The following BTN1A1 variants were observed in gnomAD, a reference collection of about 807,000 sequenced individuals.
The protein encoded by BTN1A1 is butyrophilin subfamily 1 member A1, also known as bK14H9.2 (butyrophilin, subfamily 1, member A1).
BTN1A1 carries 26 observed loss-of-function variants against 33.1 expected under a neutral mutation model. The ratio of observed to expected loss-of-function variants is 0.79; its 90% CI spans 0.58 to 1.09. BTN1A1 has a LOEUF of 1.09. BTN1A1 is among the 50% of genes least tolerant of loss of function. The pLI, the probability that BTN1A1 is intolerant of heterozygous loss-of-function variation, is 0.00. For synonymous variants in BTN1A1, 235 were observed against 256.2 expected (o/e 0.92, Z 0.79); for missense variants, 558 against 655.7 (o/e 0.85, Z 1.63).
intron 5 of BTN1A1, among the ~76,000 whole-genome samples, chr6:26,507,263 G>A (rs1763882955): frequency 6.6e-6 from 1 of 152,152 alleles, no homozygotes; most frequent in African/African-American, 2.4e-5. Context: ...CTGAAAATTG[G>A]AGGAAATCAT....
chr6:26,505,132 C>A lies in BTN1A1; in HGVS notation c.635C>A (p.Ser212Tyr). The A allele has an allele frequency of 6.2e-7, 1 of 1,613,894 alleles. No homozygotes were observed. The highest frequency in any genetic ancestry group is 8.5e-7 in the Non-Finnish European group (1 of 1,179,776). ...VAASVIIRDT[S>Y]AKNVSCYIQN... ...GCTTCAGTGATCATCAGAGACACTT[C>A]TGCGAAAAATGTGTCCTGCTACATC... Residue 212 changes from serine (S) to tyrosine (Y), a missense_variant, in exon 4 of 8, where the codon TCT (serine) becomes TAT (tyrosine). Transcript: ENST00000684113.
chr6:26,505,715 C>T (rs1411595544), intron 4 of BTN1A1, among the ~76,000 whole-genome samples: 1 of 151,006 alleles, frequency 6.6e-6, no homozygotes, highest in Non-Finnish European at 1.5e-5. Context: ...TGTGAGCCAT[C>T]ACACCCAGTG....
At chr6:26,508,025 T>C (rs1028993570) in intron 6 of BTN1A1, 36 bp from the exon 7 acceptor site, 2 of 1,612,892 alleles carry the variant, frequency 1.2e-6, no homozygotes, top group Non-Finnish European at 1.7e-6. Flanking sequence ...TCTTATTATA[T>C]AACCTGTCAA....
Position 26,505,134 on chromosome 6 carries a change from G to A in BTN1A1, c.637G>A (p.Ala213Thr), listed in dbSNP as rs3736781. The A allele has an allele frequency of 0.49, 785,469 of 1,612,886 alleles. 194,155 individuals carry two copies. Among genetic ancestry groups the A allele is most frequent in the East Asian group, 0.73 (32,958 of 44,864 alleles). The change falls in exon 4 of 8, where the codon GCG (alanine) becomes ACG (threonine). Residue 213 changes from alanine (A) to threonine (T), a missense_variant. Transcript: ENST00000684113. ...TTCAGTGATCATCAGAGACACTTCT[G>A]CGAAAAATGTGTCCTGCTACATCCA... ...AASVIIRDTSAKNVSCYIQNL... is the reference protein window; with the variant it reads ...AASVIIRDTSTKNVSCYIQNL...
At chr6:26,503,556 T>A (rs765406928) in intron 3 of BTN1A1, among the ~76,000 whole-genome samples, 13 of 151,292 alleles carry the variant, frequency 8.6e-5, no homozygotes, top group Non-Finnish European at 1.6e-4. Flanking sequence ...TATTAGATAC[T>A]ATACTGTGCC....
rs990817013 is a variant in BTN1A1 at position 26,508,652 on chromosome 6, C to T, written c.1059C>T (p.Phe353=). Residue 353 remains phenylalanine, a synonymous_variant, in exon 8 of 8, where the codon TTC becomes TTT. Transcript: ENST00000684113. ...SWPCVLGRET[F]TSGRHYWEVE... is the part of the protein sequence containing the mutation. ...CCTGTGTGTTGGGCCGTGAGACCTT[C>T]ACCTCAGGAAGGCATTACTGGGAGG... The T allele has an allele frequency of 2.8e-5, 46 of 1,614,076 alleles. No homozygotes were observed. Among genetic ancestry groups the T allele is most frequent in the Non-Finnish European group, 3.8e-5 (45 of 1,180,040 alleles).
Position 26,501,775 on chromosome 6 carries a change from C to T in BTN1A1, c.265C>T (p.Pro89Ser), listed in dbSNP as rs1214780045. ...DGREQEAEQM[P>S]EYRGRATLVQ... is the part of the protein sequence containing the mutation. ...GCGCGAGCAGGAAGCCGAGCAGATG[C>T]CCGAGTACCGCGGGCGGGCGACGCT... The change falls in exon 3 of 8, where the codon CCC becomes TCC. Residue 89 changes from proline to serine, a missense_variant. Transcript: ENST00000684113. This position sits in a 1 kb window ranked among gnomAD's most constrained non-coding sequence, Gnocchi z 5.2. 6.2e-7 allele frequency: 1 copy of T among 1,613,576 alleles called. No individual in the cohort carries two copies. Among genetic ancestry groups the T allele is most frequent in the African/African-American group, 1.3e-5 (1 of 74,932 alleles).
At chr6:26,502,671 C>T (rs993341808) in intron 3 of BTN1A1, among the ~76,000 whole-genome samples, 2 of 152,140 alleles carry the variant, frequency 1.3e-5, no homozygotes, top group Non-Finnish European at 2.9e-5. Context: ...TTTACTTCAT[C>T]GAGTCCCTGA....
rs766691983 is a variant in BTN1A1 at position 26,508,667 on chromosome 6, T to C, written c.1074T>C (p.His358=). The C allele has an allele frequency of 1.4e-5, 22 of 1,613,974 alleles. No individual in the cohort carries two copies. Among genetic ancestry groups the C allele is most frequent in the Non-Finnish European group, 1.7e-5 (20 of 1,179,988 alleles). ...GTGAGACCTTCACCTCAGGAAGGCA[T>C]TACTGGGAGGTGGAGGTGGGAGACA... ...LGRETFTSGR[H]YWEVEVGDRT... The change falls in exon 8 of 8, where the codon CAT becomes CAC. Residue 358 remains histidine, a synonymous_variant. Transcript: ENST00000684113.
chr6:26,501,791 G>T lies in BTN1A1; in HGVS notation c.281G>T (p.Arg94Leu). Residue 94 changes from arginine (R) to leucine (L), a missense_variant, in exon 3 of 8, where the codon CGG becomes CTG. By Grantham distance (102) the Arg-to-Leu change is moderately radical. Coordinates refer to ENST00000684113, the MANE Select transcript of BTN1A1 (RefSeq NM_001732.3). This position sits in a 1 kb window ranked among gnomAD's most constrained non-coding sequence, Gnocchi z 5.2. ...EAEQMPEYRGRATLVQDGIAK... is the reference protein window; with the variant it reads ...EAEQMPEYRGLATLVQDGIAK... ...GAGCAGATGCCCGAGTACCGCGGGC[G>T]GGCGACGCTGGTCCAGGACGGCATC... is the stretch of plus-strand genomic sequence containing the variant. The T allele has an allele frequency of 2.5e-6, 4 of 1,613,544 alleles. No individual in the cohort carries two copies. The highest frequency in any genetic ancestry group is 1.1e-5 in the South Asian group (1 of 91,050).
At position 26,506,738 on chromosome 6, in the gene BTN1A1, G is replaced by C; in HGVS notation, c.765G>C (p.Met255Ile). The C allele has an allele frequency of 6.2e-7, 1 of 1,614,046 alleles. No homozygotes were observed. The highest frequency in any genetic ancestry group is 8.5e-7 in the Non-Finnish European group (1 of 1,179,988). ...TAGTGGCTGTGGCTGTCATCCTGATGGTTCTAGGACTTCTCACCATTGGGT... is the reference window on the plus strand; with the variant it reads ...TAGTGGCTGTGGCTGTCATCCTGATCGTTCTAGGACTTCTCACCATTGGGT... Reference protein sequence around the residue: ...PWIVAVAVILMVLGLLTIGSI... With the variant: ...PWIVAVAVILIVLGLLTIGSI... Residue 255 changes from methionine (M) to isoleucine (I), a missense_variant, in exon 5 of 8, where the codon ATG becomes ATC. Coordinates refer to ENST00000684113, the MANE Select transcript of BTN1A1 (RefSeq NM_001732.3).
Position 26,501,251 on chromosome 6 carries a change from C to G in BTN1A1, c.-36C>G, listed in dbSNP as rs779731479. Reference sequence around the variant, plus strand: ...CTAGGCTGAAGCTCCTGAGGGGACTCACATCAGTTATCTTGCTGCTCCAGA... The same window carrying G: ...CTAGGCTGAAGCTCCTGAGGGGACTGACATCAGTTATCTTGCTGCTCCAGA... On this transcript the variant is annotated 5_prime_UTR_variant, in exon 2 of 8. Transcript: ENST00000684113. The surrounding 1 kb of genome is among the most constrained non-coding windows in gnomAD (Gnocchi z 5.2). The G allele has an allele frequency of 1.3e-6, 2 of 1,572,582 alleles. No individual in the cohort carries two copies. The highest frequency in any genetic ancestry group is 1.8e-6 in the Non-Finnish European group (2 of 1,142,492).
chr6:26,503,437 C>A (rs1180989892), intron 3 of BTN1A1, among the ~76,000 whole-genome samples: 2 of 151,296 alleles, frequency 1.3e-5, no homozygotes, highest in East Asian at 3.9e-4. Flanking sequence ...TACTGCACTC[C>A]AGCCTGGGCA....
intron 4 of BTN1A1, among the ~76,000 whole-genome samples, chr6:26,506,110 C>T (rs1248986750): frequency 2.3e-5 from 3 of 132,070 alleles, no homozygotes; most frequent in Non-Finnish European, 1.6e-5. Flanking sequence ...GGTGACAGAG[C>T]GAGACTGCAT....
chr6:26,505,867 C>T (rs1304194340), intron 4 of BTN1A1, among the ~76,000 whole-genome samples: 1 of 151,912 alleles, frequency 6.6e-6, no homozygotes, highest in Non-Finnish European at 1.5e-5. Context: ...GCCTGTAATC[C>T]CAGCACTTTG....
chr6:26,509,901 C>CT lies in BTN1A1; in HGVS notation c.*728dup, dbSNP rs1329960457. On this transcript the variant is annotated 3_prime_UTR_variant, in exon 8 of 8. Coordinates refer to ENST00000684113, the MANE Select transcript of BTN1A1 (RefSeq NM_001732.3). ...TGTTTGCACAGCTGTTCTTTGTACC[C>CT]TGTTCCTTTCTCTGCGCCCTCCTGT... 2 of 152,228 alleles carry CT rather than the reference C, an allele frequency of 1.3e-5. No individual in the cohort carries two copies. Among genetic ancestry groups the CT allele is most frequent in the African/African-American group, 4.8e-5 (2 of 41,442 alleles). The allele number at this position is 152,228 out of a possible 1,614,324, so 9.4% of individuals were successfully genotyped here. A position where few individuals can be genotyped will look rare whatever the true frequency, so the allele number is the denominator to read the frequency against.
chr6:26,509,657 AAT>A lies in BTN1A1; in HGVS notation c.*484_*485del. ...TATTATGATGGAGGGAAGTGAGGTG[AAT>A]CCAGGCACATGATGAACACCTGGCT... On this transcript the variant is annotated 3_prime_UTR_variant, in exon 8 of 8. Transcript: ENST00000684113. 3 of 158,074 alleles carry A rather than the reference AAT, an allele frequency of 1.9e-5. No homozygotes were observed. Among genetic ancestry groups the A allele is most frequent in the Non-Finnish European group, 4.2e-5 (3 of 71,760 alleles). 9.8% of individuals were successfully genotyped at this position (158,074 alleles called of 1,614,324 possible).
At position 26,509,169 on chromosome 6, in the gene BTN1A1, C is replaced by A; in HGVS notation, c.1576C>A (p.Pro526Thr). 1 of 1,607,624 alleles carries A rather than the reference C, an allele frequency of 6.2e-7. No individual in the cohort carries two copies. Among genetic ancestry groups the A allele is most frequent in the African/African-American group, 1.3e-5 (1 of 74,902 alleles). The change falls in exon 8 of 8, where the codon CCT becomes ACT. Residue 526 changes from proline (P) to threonine (T), a missense_variant. By Grantham distance (38) the Pro-to-Thr change is conservative (BLOSUM62 -1). Coordinates refer to ENST00000684113, the MANE Select transcript of BTN1A1 (RefSeq NM_001732.3). ...CCCTACCCAACCCAGCCAAGGGGCACCTTAAGGAATATCTCAGCTCATCTG... is the reference window on the plus strand; with the variant it reads ...CCCTACCCAACCCAGCCAAGGGGCAACTTAAGGAATATCTCAGCTCATCTG... ...LIPTQPSQGA[P>T]
chr6:26,500,482 C>T (rs1763784446), intron 1 of BTN1A1, among the ~76,000 whole-genome samples, 124 bp downstream of exon 1: 2 of 152,144 alleles, frequency 1.3e-5, no homozygotes. Flanking sequence ...AGCCCTTTTG[C>T]TTGCTTCAGC....
Sources: gnomAD v4.1 joint callset for allele counts (sites outside exome capture counted in the v4.1 genomes callset) on GRCh38, gnomAD v4.1.1 for gene constraint, Gnocchi (gnomAD v3.1) non-coding constraint, MANE v1.5 for transcripts, NCBI Gene and HGNC (gene_info 2026-07-23, HGNC 2026-07-21) for gene names.